The following DNHD1 variants were observed in gnomAD, a reference collection of about 807,000 sequenced individuals.
DNHD1 encodes the protein dynein heavy chain domain-containing protein 1.
In DNHD1, 383 loss-of-function variants were observed where a neutral mutation model predicts 458.1. The observed-to-expected ratio is 0.84, with a 90% CI of 0.77 to 0.91. The LOEUF (loss-of-function observed/expected upper bound fraction) is 0.91. DNHD1 is among the 40% of genes least tolerant of loss of function. DNHD1 has a pLI of 0.00. For missense variants in DNHD1, 5,336 were observed against 5,866.1 expected (o/e 0.91, Z 2.95); for synonymous variants, 2,203 against 2,376.9 (o/e 0.93, Z 2.13).
At position 6,498,612 on chromosome 11, in the gene DNHD1, G is replaced by T; in HGVS notation, c.397G>T (p.Ala133Ser). The T allele has an allele frequency of 6.2e-7, 1 of 1,614,200 alleles. No individual in the cohort carries two copies. Among genetic ancestry groups the T allele is most frequent in the Middle Eastern group, 1.6e-4 (1 of 6,062 alleles). Residue 133 changes from alanine (A) to serine (S), a missense_variant, in exon 3 of 43, where the codon GCC becomes TCC. Ala to Ser is a moderately conservative substitution (Grantham distance 99, BLOSUM62 1). Around this residue, in one of 4 missense-constraint regions of DNHD1, gnomAD observed 3,932 missense variants for 4,365.6 expected, o/e 0.90. Coordinates refer to ENST00000254579, the MANE Select transcript of DNHD1 (RefSeq NM_144666.3). The part of the protein sequence containing the change: ...HLDLLGAIVQ[A>S]FPPDSSLLDS... ...GGACCTGCTAGGTGCCATTGTCCAG[G>T]CCTTTCCTCCAGACAGCTCTTTGTT...
chr11:6,498,619 C>G lies in DNHD1; in HGVS notation c.404C>G (p.Pro135Arg). The G allele has an allele frequency of 6.2e-7, 1 of 1,614,240 alleles. No homozygotes were observed. Among genetic ancestry groups the G allele is most frequent in the South Asian group, 1.1e-5 (1 of 91,082 alleles). Residue 135 changes from proline to arginine, a missense_variant, in exon 3 of 43, where the codon CCT (proline) becomes CGT (arginine). By Grantham distance (103) the Pro-to-Arg change is moderately radical. Transcript: ENST00000254579. ...CTAGGTGCCATTGTCCAGGCCTTTC[C>G]TCCAGACAGCTCTTTGTTAGACAGT... ...DLLGAIVQAFPPDSSLLDSAS... is the reference protein window; with the variant it reads ...DLLGAIVQAFRPDSSLLDSAS...
chr11:6,558,754 C>G (rs998927022), intron 26 of DNHD1, 61 bp downstream of exon 26: 2 of 1,526,488 alleles, frequency 1.3e-6, no homozygotes, highest in Non-Finnish European at 1.8e-6. Context: ...AGGGTTATTA[C>G]CTAGGTCAGT....
In DNHD1 at chr11:6,562,978, G is replaced by C; in HGVS notation, c.9520-4G>C. The C allele has an allele frequency of 6.4e-7, 1 of 1,551,382 alleles. No homozygotes were observed. Among genetic ancestry groups the C allele is most frequent in the Non-Finnish European group, 8.7e-7 (1 of 1,146,796 alleles). ...AGCTGCAGGGCCTGGATCTGTCTCTGCAGAGTCTCAGCATGTTTCAGCAGC... is the reference window on the plus strand; with the variant it reads ...AGCTGCAGGGCCTGGATCTGTCTCTCCAGAGTCTCAGCATGTTTCAGCAGC... On this transcript the variant is annotated splice_region_variant and splice_polypyrimidine_tract_variant and intron_variant, in intron 28 of 42. Coordinates refer to ENST00000254579, the MANE Select transcript of DNHD1 (RefSeq NM_144666.3).
chr11:6,509,458 A>C (rs921228858), intron 6 of DNHD1, among the ~76,000 whole-genome samples, 186 bp downstream of exon 6: 3 of 152,204 alleles, frequency 2.0e-5, no homozygotes, highest in African/African-American at 7.2e-5. Context: ...CATACACAAA[A>C]TGTGATCATA....
At chr11:6,511,866 A>C (rs1029454210) in intron 7 of DNHD1, among the ~76,000 whole-genome samples, 1 of 152,206 alleles carries the variant, frequency 6.6e-6, no homozygotes, top group Non-Finnish European at 1.5e-5. Flanking sequence ...CATATGTTGC[A>C]TCTGTGATGC....
Position 6,563,562 on chromosome 11 carries a change from C to G in DNHD1, c.9850C>G (p.Gln3284Glu). 1 of 1,551,420 alleles carries G rather than the reference C, an allele frequency of 6.4e-7. No individual in the cohort carries two copies. The highest frequency in any genetic ancestry group is 8.7e-7 in the Non-Finnish European group (1 of 1,146,960). The change falls in exon 30 of 43, where the codon CAG becomes GAG. Residue 3284 changes from glutamine to glutamate, a missense_variant and splice_region_variant. Physicochemically the swap from Gln to Glu is conservative, Grantham distance 29 (BLOSUM62 2). This residue lies in a region of DNHD1 where 3,932 missense variants were observed against 4,365.6 expected (regional missense o/e 0.90). Coordinates refer to ENST00000254579, the MANE Select transcript of DNHD1 (RefSeq NM_144666.3). Reference protein sequence around the residue: ...KQLLCTEDFYQELVFFPKEKI... With the variant: ...KQLLCTEDFYEELVFFPKEKI... Reference sequence around the variant, plus strand: ...GCTGTTATGCACTGAGGATTTTTATCAGGTAGGAAGGGTGGAGCACAATGA... The same window carrying G: ...GCTGTTATGCACTGAGGATTTTTATGAGGTAGGAAGGGTGGAGCACAATGA...
chr11:6,517,330 T>C (rs1413001991), intron 7 of DNHD1, among the ~76,000 whole-genome samples: 2 of 152,178 alleles, frequency 1.3e-5, no homozygotes, highest in African/African-American at 4.8e-5. Flanking sequence ...ACCCTTTGAA[T>C]AGAACTGTCA....
Position 6,571,362 on chromosome 11 carries a change from CG to C in DNHD1, c.13852del (p.Val4618SerfsTer12). 6.2e-7 allele frequency: 1 copy of C among 1,612,314 alleles called. No homozygotes were observed. Among genetic ancestry groups the C allele is most frequent in the African/African-American group, 1.3e-5 (1 of 75,016 alleles). On this transcript the variant is annotated frameshift_variant, in exon 42 of 43. Coordinates refer to ENST00000254579, the MANE Select transcript of DNHD1 (RefSeq NM_144666.3). LOFTEE classifies it high-confidence loss of function. This position sits in a 1 kb window ranked among gnomAD's most constrained non-coding sequence, Gnocchi z 5.0. ...TCGAATTTCCCTGGTAGCCGAGGCT[CG>C]GTCTCCAGTCAGCTCCAGTATAAAC... is the stretch of plus-strand genomic sequence containing the variant. ...PSSNFPGSRGSVSSQLQYKRL... is the reference protein window; with the variant it reads ...PSSNFPGSRGXVSSQLQYKRL...
intron 18 of DNHD1, among the ~76,000 whole-genome samples, chr11:6,542,545 C>T (rs1053052263): frequency 1.3e-5 from 2 of 152,142 alleles, no homozygotes; most frequent in African/African-American, 4.8e-5. Context: ...GAGGTTTCTC[C>T]CTATGGGTTC....
rs746015319 is a variant in DNHD1, at chr11:6,533,767, T to C, written c.2592T>C (p.Phe864=). 1.9e-6 allele frequency: 3 copies of C among 1,551,344 alleles called. No individual in the cohort carries two copies. In the South Asian group the frequency reaches 3.6e-5, roughly 18 times the overall value. The change falls in exon 14 of 43, where the codon TTT becomes TTC. Residue 864 remains phenylalanine, a synonymous_variant. Transcript: ENST00000254579. ...RALHELIRNH[F]SLFSAENEAL... The stretch of plus-strand genomic sequence containing the variant: ...TCCACGAACTCATCCGCAACCACTT[T>C]AGCCTCTTTAGTGCTGAGAATGAAG...
At chr11:6,509,347 A>C in intron 6 of DNHD1, 75 bp downstream of exon 6, 1 of 1,322,210 alleles carries the variant, frequency 7.6e-7, no homozygotes. Flanking sequence ...TGTTTGTTGT[A>C]GAAAATCTGA....
intron 24 of DNHD1, among the ~76,000 whole-genome samples, chr11:6,555,700 C>T (rs1002177476): frequency 1.3e-5 from 2 of 152,192 alleles, no homozygotes; most frequent in Non-Finnish European, 2.9e-5. Flanking sequence ...TGATCAAGTA[C>T]ATACCGTATG....
chr11:6,550,436 T>C (rs1188446340), intron 24 of DNHD1, among the ~76,000 whole-genome samples: 1 of 151,920 alleles, frequency 6.6e-6, no homozygotes, highest in African/African-American at 2.4e-5. Flanking sequence ...CATTGTAGAG[T>C]GAAGAATATT....
At position 6,571,867 on chromosome 11, in the gene DNHD1, C is replaced by T. The variant is rs772033817; in HGVS notation, c.14143C>T (p.Leu4715Phe). Residue 4715 changes from leucine to phenylalanine, a missense_variant, in exon 43 of 43, where the codon CTT (leucine) becomes TTT (phenylalanine). This residue lies in a region of DNHD1 where 698 missense variants were observed against 664.9 expected (regional missense o/e 1.05). Transcript: ENST00000254579. The surrounding 1 kb of genome is among the most constrained non-coding windows in gnomAD (Gnocchi z 5.0). Reference protein sequence around the residue: ...YSCPVYMGGPLGTAKLQSRNI... With the variant: ...YSCPVYMGGPFGTAKLQSRNI... The stretch of plus-strand genomic sequence containing the variant: ...GTGTCCTGTGTACATGGGAGGGCCC[C>T]TTGGCACCGCTAAGCTGCAGAGCAG... 3 of 1,613,922 alleles carry T rather than the reference C, an allele frequency of 1.9e-6. No individual in the cohort carries two copies. The Admixed American group carries it at 5.0e-5, about 27-fold the overall frequency.
Position 6,567,090 on chromosome 11 carries a change from G to T in DNHD1, c.11581G>T (p.Val3861Leu). The T allele has an allele frequency of 6.2e-7, 1 of 1,614,032 alleles. No homozygotes were observed. Among genetic ancestry groups the T allele is most frequent in the Non-Finnish European group, 8.5e-7 (1 of 1,179,898 alleles). The change falls in exon 36 of 43, where the codon GTA (valine) becomes TTA (leucine). Residue 3861 changes from valine (V) to leucine (L), a missense_variant. Val to Leu is a conservative substitution (Grantham distance 32, BLOSUM62 1). Around this residue, in one of 4 missense-constraint regions of DNHD1, gnomAD observed 695 missense variants for 804.2 expected, o/e 0.86. Coordinates refer to ENST00000254579, the MANE Select transcript of DNHD1 (RefSeq NM_144666.3). ...TGTGGTTTGGCATGGAATGGCCATG[G>T]TAAAGGCCCTAAGCCAACTGCAGAA... ...RPVVWHGMAM[V>L]KALSQLQNLL...
At position 6,563,014 on chromosome 11, in the gene DNHD1, A is replaced by C; in HGVS notation, c.9552A>C (p.Gln3184His). 1 of 1,551,672 alleles carries C rather than the reference A, an allele frequency of 6.4e-7. No homozygotes were observed. Among genetic ancestry groups the C allele is most frequent in the Non-Finnish European group, 8.7e-7 (1 of 1,146,978 alleles). Residue 3184 changes from glutamine to histidine, a missense_variant, in exon 29 of 43, where the codon CAA becomes CAC. Gln to His is a conservative substitution (Grantham distance 24). Around this residue, in one of 4 missense-constraint regions of DNHD1, gnomAD observed 3,932 missense variants for 4,365.6 expected, o/e 0.90. Transcript: ENST00000254579. ...GCATGTTTCAGCAGCAGCTAGAGCA[A>C]AGCAAGCTCCTATACAAGCAGCAGC... ...SLSMFQQQLE[Q>H]SKLLYKQQLE...
rs750706067 is a variant in DNHD1 at position 6,570,978 on chromosome 11, C to T, written c.13466C>T (p.Ala4489Val). The T allele has an allele frequency of 1.2e-6, 2 of 1,604,514 alleles. No homozygotes were observed. The highest frequency in any genetic ancestry group is 1.3e-5 in the African/African-American group (1 of 74,858). The change falls in exon 42 of 43, where the codon GCT (alanine) becomes GTT (valine). Residue 4489 changes from alanine to valine, a missense_variant. Ala to Val is a moderately conservative substitution (Grantham distance 64). Coordinates refer to ENST00000254579, the MANE Select transcript of DNHD1 (RefSeq NM_144666.3). ...RPLEGVLETE[A>V]LELSQLVGTL... ...CTGGAGGGCGTCTTAGAGACCGAGGCTCTAGAACTGAGCCAGTTGGTGGGC... is the reference window on the plus strand; with the variant it reads ...CTGGAGGGCGTCTTAGAGACCGAGGTTCTAGAACTGAGCCAGTTGGTGGGC...
At chr11:6,524,966 A>G (rs1852680607) in intron 10 of DNHD1, among the ~76,000 whole-genome samples, 1 of 152,144 alleles carries the variant, frequency 6.6e-6, no homozygotes, top group Admixed American at 6.5e-5. Flanking sequence ...GGTTCTTTGT[A>G]TCTTTCCATC....
chr11:6,571,581 C>T lies in DNHD1; in HGVS notation c.13912-55C>T. Reference sequence around the variant, plus strand: ...CTCCTACCCGCTAACCCCCACTTCCCACCTGCCACCTCCCAGCTTCCTAGC... The same window carrying T: ...CTCCTACCCGCTAACCCCCACTTCCTACCTGCCACCTCCCAGCTTCCTAGC... On this transcript the variant is annotated intron_variant, in intron 42 of 42. Coordinates refer to ENST00000254579, the MANE Select transcript of DNHD1 (RefSeq NM_144666.3). This position sits in a 1 kb window ranked among gnomAD's most constrained non-coding sequence, Gnocchi z 5.0. 1 of 1,482,274 alleles carries T rather than the reference C, an allele frequency of 6.7e-7. No homozygotes were observed. Among genetic ancestry groups the T allele is most frequent in the Non-Finnish European group, 9.0e-7 (1 of 1,108,700 alleles). 91.8% of individuals were successfully genotyped at this position (1,482,274 alleles called of 1,614,324 possible). A position where few individuals can be genotyped will look rare whatever the true frequency, so the allele number is the denominator to read the frequency against.
Sources: gnomAD v4.1 joint callset for allele counts (sites outside exome capture counted in the v4.1 genomes callset) on GRCh38, gnomAD v4.1.1 for gene constraint, gnomAD v4.1.1 regional missense constraint, Gnocchi (gnomAD v3.1) non-coding constraint, MANE v1.5 for transcripts, NCBI Gene and HGNC (gene_info 2026-07-23, HGNC 2026-07-21) for gene names.